Variants in GSTA5 observed in about 807,000 individuals in gnomAD.
GSTA5 encodes glutathione S-transferase A5.
In GSTA5, 25 loss-of-function variants were observed where a neutral mutation model predicts 21.8. That is an observed-to-expected ratio of 1.14 (90% CI 0.83 to 1.60). The LOEUF (loss-of-function observed/expected upper bound fraction) is 1.60, where lower values mean the gene tolerates loss of function less well. GSTA5 is among the 40% of genes most tolerant of loss of function. GSTA5 has a pLI of 0.00. For synonymous variants in GSTA5, 102 were observed against 89.5 expected (o/e 1.14, Z -0.78); for missense variants, 330 against 259.2 (o/e 1.27, Z -1.88).
upstream of GSTA5, among the ~76,000 whole-genome samples, chr6:52,842,440 T>C (rs1467735514): frequency 6.8e-6 from 1 of 146,570 alleles, no homozygotes; most frequent in Non-Finnish European, 1.5e-5. Flanking sequence ...AGTTTTACTG[T>C]TTTTTTCCCA....
chr6:52,844,081 C>T (rs1426798110), upstream of GSTA5, among the ~76,000 whole-genome samples: 1 of 152,094 alleles, frequency 6.6e-6, no homozygotes, highest in African/African-American at 2.4e-5. Flanking sequence ...AGTGTGTCTA[C>T]CTTCTGCAAC....
At chr6:52,841,571 T>C (rs752794986), upstream of GSTA5, among the ~76,000 whole-genome samples, 13 of 152,246 alleles carry the variant, frequency 8.5e-5, no homozygotes, top group Non-Finnish European at 1.6e-4. Context: ...CTTTTGGTGT[T>C]CTATATTTTA....
intron 3 of GSTA5, among the ~76,000 whole-genome samples, chr6:52,834,739 C>A (rs1252375958): frequency 6.6e-6 from 1 of 152,150 alleles, no homozygotes; most frequent in Admixed American, 6.5e-5. Context: ...GCCATCTCAG[C>A]CATATTTCTT....
exon 4 of GSTA5, chr6:52,834,236 G>A (rs373264441): frequency 3.7e-6 from 6 of 1,613,504 alleles, no homozygotes; most frequent in East Asian, 2.2e-5. Flanking sequence ...AGCAGAAGAA[G>A]GATCATTTCA....
Position 52,837,454 on chromosome 6 carries a change from A to G in GSTA5, c.139+104T>C. On this transcript the variant is annotated intron_variant, in intron 2 of 5. Coordinates refer to ENST00000370989, the Ensembl canonical transcript of GSTA5. ...AACCACTTTCTCCCTCTCCACCGTG[A>G]CTAAATATCACCCCCCACACACATA... is the stretch of plus-strand genomic sequence containing the variant. 3 of 697,688 alleles carry G rather than the reference A, an allele frequency of 4.3e-6. No individual in the cohort carries two copies. The South Asian group carries it at 5.4e-5, about 13-fold the overall frequency. 43.2% of individuals were successfully genotyped at this position (697,688 alleles called of 1,614,324 possible). A position where few individuals can be genotyped will look rare whatever the true frequency, so the allele number is the denominator to read the frequency against.
intron 1 of GSTA5, 63 bp from the exon 2 acceptor site, chr6:52,837,672 A>G (rs1438942785): frequency 1.7e-6 from 2 of 1,144,528 alleles, no homozygotes; most frequent in Non-Finnish European, 2.6e-6. Context: ...TGTGATGTTG[A>G]ATGGCCCCTA....
At chr6:52,839,417 T>C (rs1370748140) in intron 1 of GSTA5, among the ~76,000 whole-genome samples, 2 of 152,332 alleles carry the variant, frequency 1.3e-5, no homozygotes, top group Non-Finnish European at 2.9e-5. Context: ...GGGTATTCAT[T>C]TGTACAAAGG....
chr6:52,832,931 A>C lies in GSTA5; in HGVS notation c.474T>G (p.Ile158Met), dbSNP rs1182564698. Residue 158 changes from isoleucine (I) to methionine (M), a missense_variant, in exon 5 of 6, where the codon ATT becomes ATG. Transcript: ENST00000370989. ...CGTAGTAGAAAAGTTCCACCAGGTG[A>C]ATGTCAGCCCAGCTCAGCTTGTTGC... 5 of 1,614,152 alleles carry C rather than the reference A, an allele frequency of 3.1e-6. No homozygotes were observed. The East Asian group carries it at 1.1e-4, about 36-fold the overall frequency.
upstream of GSTA5, among the ~76,000 whole-genome samples, chr6:52,844,884 T>C (rs1038215292): frequency 6.6e-6 from 1 of 152,176 alleles, no homozygotes; most frequent in Admixed American, 6.5e-5. Flanking sequence ...TTATTTTACC[T>C]ACCAACAATC....
At position 52,838,286 on chromosome 6, in the gene GSTA5, T is replaced by G. The variant is rs115959375; in HGVS notation, c.88-677A>C. 7.1e-3 allele frequency among the ~76,000 whole-genome samples: 1,084 copies of G among 152,338 alleles called. 13 individuals are homozygous for G. Among genetic ancestry groups the G allele is most frequent in the African/African-American group, 0.023 (971 of 41,576 alleles). Reference sequence around the variant, plus strand: ...TCAATATCACCATTTTCATGTACTGTCTTCTTGACTTTGGACATGTTACCG... The same window carrying G: ...TCAATATCACCATTTTCATGTACTGGCTTCTTGACTTTGGACATGTTACCG... On this transcript the variant is annotated intron_variant, in intron 1 of 5. Transcript: ENST00000370989.
At chr6:52,841,791 A>G (rs1332148791), upstream of GSTA5, among the ~76,000 whole-genome samples, 2 of 152,220 alleles carry the variant, frequency 1.3e-5, no homozygotes, top group Non-Finnish European at 2.9e-5. Flanking sequence ...AGGTTTTTAA[A>G]GTAACTTACC....
At chr6:52,837,573 C>T in exon 2 of GSTA5, 1 of 1,607,860 alleles carries the variant, frequency 6.2e-7, no homozygotes, top group South Asian at 1.1e-5. Context: ...CTTAACTTGT[C>T]CAAATCTTCT....
At chr6:52,835,588 G>T (rs1764280567) in intron 3 of GSTA5, among the ~76,000 whole-genome samples, 1 of 152,202 alleles carries the variant, frequency 6.6e-6, no homozygotes, top group African/African-American at 2.4e-5. Context: ...TTGTGGAGCT[G>T]CCAACAGTTC....
rs369331835 is a variant in GSTA5 at position 52,831,839 on chromosome 6, G to C, written c.*9C>G. On this transcript the variant is annotated 3_prime_UTR_variant, in exon 6 of 6. Coordinates refer to ENST00000370989, the Ensembl canonical transcript of GSTA5. ...GTCTGGCATGTTCTTGGCCTCCATA[G>C]CTGCTTTATTAAAACCTGAAAATCT... The C allele has an allele frequency of 1.9e-6, 3 of 1,613,732 alleles. No individual in the cohort carries two copies. The African/African-American group carries it at 4.0e-5, about 22-fold the overall frequency.
chr6:52,842,972 A>C (rs1764402399), upstream of GSTA5, among the ~76,000 whole-genome samples: 2 of 151,244 alleles, frequency 1.3e-5, no homozygotes. Context: ...TCCTTGGTCA[A>C]CTCCCACTTA....
At chr6:52,834,029 G>C in intron 4 of GSTA5, 112 bp downstream of exon 4, 1 of 1,168,926 alleles carries the variant, frequency 8.6e-7, no homozygotes. Flanking sequence ...CTGCCTTGGT[G>C]TTCATGAAGT....
chr6:52,839,675 G>C (rs559790359), intron 1 of GSTA5, among the ~76,000 whole-genome samples: 8 of 152,142 alleles, frequency 5.3e-5, no homozygotes, highest in African/African-American at 1.9e-4. Flanking sequence ...GTTTGTCCAT[G>C]ACTCACTTCC....
intron 3 of GSTA5, among the ~76,000 whole-genome samples, chr6:52,834,863 C>T (rs1764270512): frequency 6.6e-6 from 1 of 152,182 alleles, no homozygotes; most frequent in African/African-American, 2.4e-5. Context: ...TGTTGCCTAA[C>T]TCTAGCCATG....
chr6:52,839,943 G>C (rs535185822), intron 1 of GSTA5, among the ~76,000 whole-genome samples: 20 of 152,340 alleles, frequency 1.3e-4, no homozygotes, highest in African/African-American at 4.8e-4. Flanking sequence ...CAGGGACTGT[G>C]TCTGTCTTGT....
Sources: gnomAD v4.1 joint callset for allele counts (sites outside exome capture counted in the v4.1 genomes callset) on GRCh38, gnomAD v4.1.1 for gene constraint, MANE v1.5 for transcripts, NCBI Gene and HGNC (gene_info 2026-07-23, HGNC 2026-07-21) for gene names.